The following LINGO2 variants were observed in gnomAD, a reference collection of about 807,000 sequenced individuals.
The protein encoded by LINGO2 is leucine-rich repeat and immunoglobulin-like domain-containing nogo receptor-interacting protein 2.
LINGO2 carries 14 observed loss-of-function variants against 30.6 expected under a neutral mutation model. The observed-to-expected ratio is 0.46, with a 90% CI of 0.30 to 0.72. LINGO2 has a LOEUF of 0.72. LINGO2 is among the 30% of genes least tolerant of loss of function. LINGO2 has a pLI of 0.07. For missense variants in LINGO2, 729 were observed against 751.7 expected (o/e 0.97, Z 0.35); for synonymous variants, 317 against 288.5 (o/e 1.10, Z -1.00).
intron 1 of LINGO2, among the ~76,000 whole-genome samples, chr9:28,635,603 G>A (rs1046682401): frequency 6.6e-6 from 1 of 151,948 alleles, no homozygotes; most frequent in Non-Finnish European, 1.5e-5. Context: ...TCAACATCTG[G>A]AATTCATATT....
the LINGO2 span, among the ~76,000 whole-genome samples, chr9:29,200,032 A>G: frequency 6.6e-6 from 1 of 152,128 alleles, no homozygotes; most frequent in African/African-American, 2.4e-5. Flanking sequence ...CACCAAGAGA[A>G]TCTCAGAAGC....
chr9:29,027,077 G>C, the LINGO2 span, among the ~76,000 whole-genome samples: 1 of 152,126 alleles, frequency 6.6e-6, no homozygotes, highest in African/African-American at 2.4e-5. Flanking sequence ...ATAAATCAGT[G>C]ATTAGTGTGT....
chr9:28,991,888 T>C, the LINGO2 span, among the ~76,000 whole-genome samples: 77,029 of 150,250 alleles, frequency 0.51, 20,872 homozygotes, highest in Non-Finnish European at 0.6. Flanking sequence ...AAAGGAACAA[T>C]CGGTACCAGC....
At chr9:28,951,400 G>A in the LINGO2 span, among the ~76,000 whole-genome samples, 40 of 152,004 alleles carry the variant, frequency 2.6e-4, no homozygotes, top group Non-Finnish European at 3.5e-4. Context: ...GGGACAGGCC[G>A]GTGGGGTGAA....
chr9:28,565,229 C>T (rs906461283), intron 1 of LINGO2, among the ~76,000 whole-genome samples: 11 of 152,108 alleles, frequency 7.2e-5, no homozygotes, highest in Non-Finnish European at 1.5e-4. Context: ...ACTCTGTCGC[C>T]CAGGCTGGAG....
At chr9:28,940,468 G>T in the LINGO2 span, among the ~76,000 whole-genome samples, 1 of 151,646 alleles carries the variant, frequency 6.6e-6, no homozygotes, top group Non-Finnish European at 1.5e-5. Context: ...CACCCCATAT[G>T]TTTTTTTTAA....
chr9:29,196,518 C>CA, the LINGO2 span, among the ~76,000 whole-genome samples: 4 of 152,070 alleles, frequency 2.6e-5, no homozygotes, highest in South Asian at 8.3e-4. Flanking sequence ...TCTCACCTTG[C>CA]AAAATGGTTA....
intron 2 of LINGO2, among the ~76,000 whole-genome samples, chr9:28,450,151 G>A (rs1824594388): frequency 1.3e-5 from 2 of 151,976 alleles, no homozygotes; most frequent in Non-Finnish European, 2.9e-5. Context: ...TCTTTGGGCT[G>A]TCAACTATTC....
At chr9:29,021,917 G>C in the LINGO2 span, among the ~76,000 whole-genome samples, 56,996 of 151,890 alleles carry the variant, frequency 0.38, 11,162 homozygotes, top group East Asian at 0.54. Flanking sequence ...TACATAACTT[G>C]GTCAGAATAA....
intron 4 of LINGO2, among the ~76,000 whole-genome samples, chr9:28,283,870 T>C (rs971745505): frequency 4.6e-5 from 7 of 152,164 alleles, no homozygotes; most frequent in African/African-American, 1.7e-4. Flanking sequence ...CTGGTTACTT[T>C]TCCTTACCTA....
At chr9:28,132,559 T>C (rs1159159636) in intron 4 of LINGO2, among the ~76,000 whole-genome samples, 1 of 152,182 alleles carries the variant, frequency 6.6e-6, no homozygotes, top group Admixed American at 6.5e-5. Flanking sequence ...TTTCCTGAGG[T>C]TGCATAGTTT....
At chr9:28,107,772 A>T (rs1826640039) in intron 4 of LINGO2, among the ~76,000 whole-genome samples, 1 of 152,166 alleles carries the variant, frequency 6.6e-6, no homozygotes. Flanking sequence ...CTCATAAATG[A>T]TTCATTTCTA....
At chr9:29,082,769 G>A in the LINGO2 span, among the ~76,000 whole-genome samples, 1,430 of 152,166 alleles carry the variant, frequency 9.4e-3, 6 homozygotes, top group Non-Finnish European at 0.015. Context: ...ACAAGTGGGC[G>A]AAGGATATGA....
intron 4 of LINGO2, among the ~76,000 whole-genome samples, chr9:28,195,894 T>C (rs185292312): frequency 1.7e-4 from 26 of 151,916 alleles, no homozygotes; most frequent in African/African-American, 6.0e-4. Context: ...AAAGGTTCTA[T>C]ATAAGTTATC....
chr9:28,873,992 A>C, the LINGO2 span, among the ~76,000 whole-genome samples: 1 of 152,088 alleles, frequency 6.6e-6, no homozygotes, highest in East Asian at 1.9e-4. Flanking sequence ...TAACCAATTA[A>C]GTAAATCTAA....
At chr9:28,819,227 G>A in the LINGO2 span, among the ~76,000 whole-genome samples, 9 of 152,070 alleles carry the variant, frequency 5.9e-5, no homozygotes, top group South Asian at 1.5e-3. Context: ...CAACCTCCTC[G>A]CTCTTGCTCT....
chr9:28,575,390 C>G (rs1823911137), intron 1 of LINGO2, among the ~76,000 whole-genome samples: 1 of 110,500 alleles, frequency 9.0e-6, no homozygotes, highest in Non-Finnish European at 2.1e-5. Flanking sequence ...CAGACAGACT[C>G]CGTCTCAAAA....
intron 2 of LINGO2, among the ~76,000 whole-genome samples, chr9:28,470,391 T>C (rs1825473691): frequency 6.6e-6 from 1 of 152,200 alleles, no homozygotes; most frequent in South Asian, 2.1e-4. Context: ...CAACATATCA[T>C]CCAGGCTCTC....
chr9:28,542,403 C>T (rs184926963), intron 1 of LINGO2, among the ~76,000 whole-genome samples: 12 of 152,088 alleles, frequency 7.9e-5, no homozygotes, highest in Admixed American at 1.3e-4. Context: ...AAAGATGGCC[C>T]TCTGAGAGGC....
Sources: allele counts gnomAD v4.1 joint callset (sites outside exome capture counted in the v4.1 genomes callset), GRCh38; gene constraint gnomAD v4.1.1; transcripts MANE v1.5; gene names NCBI Gene and HGNC (gene_info 2026-07-23, HGNC 2026-07-21).